The following SPRYD7 variants were observed in gnomAD, a reference collection of about 807,000 sequenced individuals.
The protein encoded by SPRYD7 is SPRY domain-containing protein 7.
Under a neutral mutation model 23.8 loss-of-function variants are expected in SPRYD7, and 14 were observed. The observed-to-expected ratio is 0.59, with a 90% CI of 0.39 to 0.92. The LOEUF (loss-of-function observed/expected upper bound fraction) is 0.92, where lower values mean the gene tolerates loss of function less well. Among genes scored for constraint, SPRYD7 ranks in the 40% least tolerant of loss-of-function variants. The pLI is 0.00. For synonymous variants in SPRYD7, 75 were observed against 84.9 expected, an observed-to-expected ratio of 0.88 and a Z score of 0.64; for missense variants, 194 against 241.7, an observed-to-expected ratio of 0.80 and a Z score of 1.31.
intron 3 of SPRYD7, 114 bp from the exon 4 acceptor site, chr13:49,921,694 G>C: frequency 1.6e-6 from 1 of 642,376 alleles, no homozygotes; most frequent in Non-Finnish European, 2.8e-6. Context: ...TTTCATTAAG[G>C]GTTGACAATT....
At chr13:49,926,461 T>G (rs1005222338) in intron 3 of SPRYD7, among the ~76,000 whole-genome samples, 3 of 152,232 alleles carry the variant, frequency 2.0e-5, no homozygotes, top group African/African-American at 7.2e-5. Context: ...TATGGGCATC[T>G]GGCAATGATC....
Position 49,936,237 on chromosome 13 carries a change from G to A in SPRYD7, c.-2C>T. 1.3e-6 allele frequency: 2 copies of A among 1,598,986 alleles called. No homozygotes were observed. The highest frequency in any genetic ancestry group is 1.7e-6 in the Non-Finnish European group (2 of 1,175,488). On this transcript the variant is annotated 5_prime_UTR_variant, in exon 1 of 5. Transcript: ENST00000361840. ...GCAGCACAACACCGAGGTGGCCATC[G>A]CGCAGGGACCACCGACTCCGCCGCC...
intron 1 of SPRYD7, among the ~76,000 whole-genome samples, chr13:49,934,487 G>A (rs906149026): frequency 1.3e-5 from 2 of 150,246 alleles, no homozygotes; most frequent in Non-Finnish European, 3.0e-5. Flanking sequence ...CCCGGGAGGC[G>A]GAGGTTGCAG....
chr13:49,922,786 C>T (rs1339808303), intron 3 of SPRYD7, among the ~76,000 whole-genome samples: 1 of 150,182 alleles, frequency 6.7e-6, no homozygotes, highest in African/African-American at 2.5e-5. Context: ...ACTGTGGATA[C>T]ATTCTATCAA....
Position 49,924,869 on chromosome 13 carries a change from A to AGAG in SPRYD7, c.390+3049_390+3050insCTC, listed in dbSNP as rs1272372999. Among the ~76,000 whole-genome samples the AGAG allele has an allele frequency of 4.6e-5, 7 of 151,340 alleles. 1 individual carries two copies. The highest frequency in any genetic ancestry group is 1.7e-4 in the African/African-American group (7 of 41,206). ...CAGGCACCTGTAATTGTAGCTACTC[A>AGAG]GGAGGCTGAGGCAGGAGAACCGCTT... On this transcript the variant is annotated intron_variant, in intron 3 of 4. Coordinates refer to ENST00000361840, the MANE Select transcript of SPRYD7 (RefSeq NM_020456.4).
At chr13:49,919,467 C>T (rs954295186) in intron 4 of SPRYD7, among the ~76,000 whole-genome samples, 8 of 152,040 alleles carry the variant, frequency 5.3e-5, no homozygotes, top group African/African-American at 1.9e-4. Flanking sequence ...TCGCTTGAAC[C>T]TGGGAGGCGG....
intron 2 of SPRYD7, 33 bp downstream of exon 2, chr13:49,930,985 G>C (rs769234557): frequency 7.7e-7 from 1 of 1,292,808 alleles, no homozygotes; most frequent in South Asian, 1.3e-5. Flanking sequence ...AGAACAATTA[G>C]GACTTTTAAT....
intron 3 of SPRYD7, among the ~76,000 whole-genome samples, chr13:49,923,889 T>TATTTAATTATTA (rs1353823698): frequency 3.3e-5 from 5 of 152,220 alleles, no homozygotes; most frequent in African/African-American, 1.2e-4. Flanking sequence ...GTTCTATGTC[T>TATTTAATTATTA]TTATTAATAA....
At chr13:49,922,856 C>A (rs1047251474) in intron 3 of SPRYD7, among the ~76,000 whole-genome samples, 1 of 151,434 alleles carries the variant, frequency 6.6e-6, no homozygotes, top group Non-Finnish European at 1.5e-5. Flanking sequence ...GTCTTAAATT[C>A]TCTCTCTTTA....
chr13:49,928,527 C>T (rs1332454551), intron 2 of SPRYD7, among the ~76,000 whole-genome samples: 1 of 152,168 alleles, frequency 6.6e-6, no homozygotes, highest in African/African-American at 2.4e-5. Context: ...AGAGAGTGGG[C>T]CCTGGAACAG....
intron 3 of SPRYD7, among the ~76,000 whole-genome samples, chr13:49,926,285 G>A (rs1437795370): frequency 1.3e-5 from 2 of 152,194 alleles, no homozygotes; most frequent in Non-Finnish European, 1.5e-5. Flanking sequence ...AAATGAGATA[G>A]GAAGGCAGGT....
Position 49,914,136 on chromosome 13 carries a change from A to G in SPRYD7, c.*927T>C, listed in dbSNP as rs1955725958. The G allele has an allele frequency of 6.5e-6, 1 of 153,780 alleles. No homozygotes were observed. Among genetic ancestry groups the G allele is most frequent in the African/African-American group, 2.4e-5 (1 of 41,468 alleles). 9.5% of individuals were successfully genotyped at this position (153,780 alleles called of 1,614,324 possible). ...GGTCACAGGGCGTTAACTAAAGGAC[A>G]GTGATTCTTAAGAACCAGGCAAAGA... On this transcript the variant is annotated 3_prime_UTR_variant, in exon 5 of 5. Coordinates refer to ENST00000361840, the MANE Select transcript of SPRYD7 (RefSeq NM_020456.4).
chr13:49,916,830 T>C (rs1285283414), intron 4 of SPRYD7, among the ~76,000 whole-genome samples: 1 of 152,128 alleles, frequency 6.6e-6, no homozygotes, highest in Non-Finnish European at 1.5e-5. Flanking sequence ...TTTGGGGAGT[T>C]TGGAATCCAG....
At chr13:49,929,560 A>C (rs1396852621) in intron 2 of SPRYD7, among the ~76,000 whole-genome samples, 2 of 152,074 alleles carry the variant, frequency 1.3e-5, no homozygotes. Context: ...CAGTGGCACG[A>C]TCTCGGCTCA....
chr13:49,914,608 T>C lies in SPRYD7; in HGVS notation c.*455A>G, dbSNP rs1180919017. On this transcript the variant is annotated 3_prime_UTR_variant, in exon 5 of 5. Transcript: ENST00000361840. ...AAAATGAAATTGCCAGTAATATAAA[T>C]TTCTCTCACTTTGTTATATTGTATA... The C allele has an allele frequency of 6.6e-6, 1 of 152,552 alleles. No individual in the cohort carries two copies. The highest frequency in any genetic ancestry group is 1.9e-4 in the East Asian group (1 of 5,200). The allele number at this position is 152,552 out of a possible 1,614,324, so 9.4% of individuals were successfully genotyped here. A position where few individuals can be genotyped will look rare whatever the true frequency, so the allele number is the denominator to read the frequency against.
intron 4 of SPRYD7, among the ~76,000 whole-genome samples, chr13:49,916,491 G>A (rs1301469434): frequency 6.6e-6 from 1 of 151,698 alleles, no homozygotes; most frequent in Admixed American, 6.6e-5. Context: ...TAACAATAAA[G>A]GTGTCAAATG....
chr13:49,925,607 G>A (rs1288559539), intron 3 of SPRYD7, among the ~76,000 whole-genome samples: 1 of 151,800 alleles, frequency 6.6e-6, no homozygotes, highest in Admixed American at 6.6e-5. Flanking sequence ...GTCAGGAGTT[G>A]GAGACCATCC....
chr13:49,923,576 G>C (rs1475759683), intron 3 of SPRYD7, among the ~76,000 whole-genome samples: 3 of 152,130 alleles, frequency 2.0e-5, no homozygotes, highest in Admixed American at 6.5e-5. Flanking sequence ...CAAGCCTGCA[G>C]TAGCAAAATC....
In SPRYD7 at chr13:49,914,058, T is replaced by G. The variant is rs1384341735; in HGVS notation, c.*1005A>C. 1 of 153,666 alleles carries G rather than the reference T, an allele frequency of 6.5e-6. No homozygotes were observed. Among genetic ancestry groups the G allele is most frequent in the African/African-American group, 2.4e-5 (1 of 41,456 alleles). The allele number at this position is 153,666 out of a possible 1,614,324, so 9.5% of individuals were successfully genotyped here. A position where few individuals can be genotyped will look rare whatever the true frequency, so the allele number is the denominator to read the frequency against. On this transcript the variant is annotated 3_prime_UTR_variant, in exon 5 of 5. Coordinates refer to ENST00000361840, the MANE Select transcript of SPRYD7 (RefSeq NM_020456.4). ...GAGGGAAATGTATGCATCCTTGCCA[T>G]GCTCATTTGAAAACAGACAACGTAT... is the stretch of plus-strand genomic sequence containing the variant.
Sources: allele counts gnomAD v4.1 joint callset (sites outside exome capture counted in the v4.1 genomes callset), GRCh38; gene constraint gnomAD v4.1.1; transcripts MANE v1.5; gene names NCBI Gene and HGNC (gene_info 2026-07-23, HGNC 2026-07-21).